The following MBOAT1 variants were observed in gnomAD, a reference collection of about 807,000 sequenced individuals.
MBOAT1 encodes membrane bound glycerophospholipid O-acyltransferase 1.
In MBOAT1, 67 loss-of-function variants were observed where a neutral mutation model predicts 64.4. That is an observed-to-expected ratio of 1.04 (90% confidence interval 0.85 to 1.27). The LOEUF (loss-of-function observed/expected upper bound fraction) is 1.27, where lower values mean the gene tolerates loss of function less well. Ranked by LOEUF, MBOAT1 falls within the 50% of genes most tolerant of loss-of-function variation. The pLI is 0.00. For synonymous variants in MBOAT1, 229 were observed against 218.9 expected (o/e 1.05, Z -0.41); for missense variants, 563 against 604.6 (o/e 0.93, Z 0.72).
At chr6:20,202,512 TA>T (rs1289557614) in intron 1 of MBOAT1, among the ~76,000 whole-genome samples, 2 of 151,976 alleles carry the variant, frequency 1.3e-5, no homozygotes, top group Admixed American at 6.6e-5. Context: ...TCAGTTTTAC[TA>T]AACCATAAAA....
intron 12 of MBOAT1, among the ~76,000 whole-genome samples, chr6:20,104,236 A>T (rs1159001363): frequency 6.6e-6 from 1 of 152,176 alleles, no homozygotes; most frequent in East Asian, 1.9e-4. Context: ...AAATTGCCTA[A>T]TGATGCATTT....
Position 20,151,275 on chromosome 6 carries a change from A to G in MBOAT1, c.246-13T>C. The G allele has an allele frequency of 6.3e-7, 1 of 1,583,052 alleles. No individual in the cohort carries two copies. On this transcript the variant is annotated splice_polypyrimidine_tract_variant and intron_variant, in intron 2 of 12. Coordinates refer to ENST00000324607, the MANE Select transcript of MBOAT1 (RefSeq NM_001080480.3). ...ATGCACAGAGTACCTTTAAGACATA[A>G]TAGTAGGGGGAGGAGTAATGAATAT...
chr6:20,116,655 G>T (rs369950271), intron 9 of MBOAT1, among the ~76,000 whole-genome samples: 8 of 152,166 alleles, frequency 5.3e-5, no homozygotes, highest in African/African-American at 1.9e-4. Context: ...CAGCCTCAGG[G>T]TGTCTTAAAC....
intron 1 of MBOAT1, among the ~76,000 whole-genome samples, chr6:20,169,657 C>A (rs1435198239): frequency 6.6e-6 from 1 of 151,492 alleles, no homozygotes; most frequent in Non-Finnish European, 1.5e-5. Flanking sequence ...TCCCACCCAA[C>A]AGCAAACTAG....
At chr6:20,126,938 G>A (rs568795053) in intron 6 of MBOAT1, among the ~76,000 whole-genome samples, 14 of 152,308 alleles carry the variant, frequency 9.2e-5, no homozygotes, top group African/African-American at 3.1e-4. Context: ...AGACACAGCC[G>A]TAGGCACTCA....
At chr6:20,211,462 T>C (rs1308883427) in intron 1 of MBOAT1, among the ~76,000 whole-genome samples, 1 of 152,196 alleles carries the variant, frequency 6.6e-6, no homozygotes, top group East Asian at 1.9e-4. Flanking sequence ...CAGGAATCAC[T>C]GTTGTTGCCA....
At chr6:20,209,465 A>G (rs144616785) in intron 1 of MBOAT1, among the ~76,000 whole-genome samples, 35 of 152,314 alleles carry the variant, frequency 2.3e-4, no homozygotes, top group African/African-American at 8.4e-4. Context: ...GAATGAATAA[A>G]GAGTTCTTCA....
chr6:20,212,073 C>T, intron 1 of MBOAT1, 63 bp downstream of exon 1: 1 of 1,485,016 alleles, frequency 6.7e-7, no homozygotes, highest in Non-Finnish European at 9.3e-7. Context: ...CTAACACTTT[C>T]GCCCGCCCCG....
chr6:20,172,414 G>A (rs1284573652), intron 1 of MBOAT1, among the ~76,000 whole-genome samples: 2 of 152,158 alleles, frequency 1.3e-5, no homozygotes, highest in Non-Finnish European at 1.5e-5. Context: ...GGGCAACAGA[G>A]CAAGACTGTC....
chr6:20,207,908 C>T (rs1763309452), intron 1 of MBOAT1, among the ~76,000 whole-genome samples: 2 of 152,196 alleles, frequency 1.3e-5, no homozygotes, highest in South Asian at 4.1e-4. Context: ...CTTTTGTTTC[C>T]TCTAGAGTAT....
At chr6:20,166,331 A>G (rs1393177739) in intron 1 of MBOAT1, among the ~76,000 whole-genome samples, 1 of 151,988 alleles carries the variant, frequency 6.6e-6, no homozygotes, top group East Asian at 1.9e-4. Context: ...GTTTATCTTT[A>G]CTCCATTCCC....
In MBOAT1 at chr6:20,160,688, T is replaced by C. The variant is rs570549421; in HGVS notation, c.100-7919A>G. On this transcript the variant is annotated intron_variant, in intron 1 of 12. Transcript: ENST00000324607. ...GCAGCCATTCTTCCAGCACAAACAG[T>C]ACTCTTTTGCATTGCCCCCTACAAA... Among the ~76,000 whole-genome samples, 14 of 152,314 alleles carry C rather than the reference T, an allele frequency of 9.2e-5. No individual in the cohort carries two copies. The South Asian group carries it at 2.9e-3, about 32-fold the overall frequency.
intron 12 of MBOAT1, among the ~76,000 whole-genome samples, chr6:20,104,348 G>T (rs1171561720): frequency 6.6e-6 from 1 of 152,088 alleles, no homozygotes. Flanking sequence ...AAGTATAAAA[G>T]GTTCTTCTTT....
Position 20,102,390 on chromosome 6 carries a change from T to C in MBOAT1, c.1384A>G (p.Ile462Val), listed in dbSNP as rs1759828116. ...AATAGTATTATCAGGAGACTTATGATGTGCAAATAAAAGTACATGGACCTG... is the reference window on the plus strand; with the variant it reads ...AATAGTATTATCAGGAGACTTATGACGTGCAAATAAAAGTACATGGACCTG... Reference protein sequence around the residue: ...LYKSMYFYLHIISLLIILFLP... With the variant: ...LYKSMYFYLHVISLLIILFLP... Residue 462 changes from isoleucine to valine, a missense_variant, in exon 13 of 13, where the codon ATC (isoleucine) becomes GTC (valine). Physicochemically the swap from Ile to Val is conservative, Grantham distance 29. Transcript: ENST00000324607. 1.3e-5 allele frequency: 21 copies of C among 1,610,110 alleles called. No homozygotes were observed. Among genetic ancestry groups the C allele is most frequent in the Non-Finnish European group, 1.7e-5 (20 of 1,177,232 alleles).
At chr6:20,111,893 T>TATA (rs1491191628) in intron 11 of MBOAT1, among the ~76,000 whole-genome samples, 8 of 140,584 alleles carry the variant, frequency 5.7e-5, no homozygotes, top group African/African-American at 1.1e-4. Context: ...TATATATATA[T>TATA]TCCAGCACAC....
intron 8 of MBOAT1, among the ~76,000 whole-genome samples, chr6:20,118,757 AT>A (rs1760409384): frequency 6.6e-6 from 1 of 152,226 alleles, no homozygotes; most frequent in South Asian, 2.1e-4. Context: ...ATTCCCTTGC[AT>A]TTAGGGAACA....
At chr6:20,133,751 T>C (rs1362508803) in intron 4 of MBOAT1, among the ~76,000 whole-genome samples, 1 of 152,232 alleles carries the variant, frequency 6.6e-6, no homozygotes, top group Non-Finnish European at 1.5e-5. Context: ...TATCTTGGGT[T>C]AGACCTAATG....
intron 10 of MBOAT1, among the ~76,000 whole-genome samples, chr6:20,113,722 A>G (rs1230611507): frequency 6.6e-6 from 1 of 152,016 alleles, no homozygotes; most frequent in Non-Finnish European, 1.5e-5. Context: ...TTCCCCCCCA[A>G]AACTCAGTCT....
At chr6:20,151,645 C>G (rs534287331) in intron 2 of MBOAT1, among the ~76,000 whole-genome samples, 1 of 152,236 alleles carries the variant, frequency 6.6e-6, no homozygotes, top group African/African-American at 2.4e-5. Context: ...CATCCTTTCT[C>G]AGATACTTGT....
Sources: gnomAD v4.1 joint callset for allele counts (sites outside exome capture counted in the v4.1 genomes callset) on GRCh38, gnomAD v4.1.1 for gene constraint, MANE v1.5 for transcripts, NCBI Gene and HGNC (gene_info 2026-07-23, HGNC 2026-07-21) for gene names.